CNTNAP2: variants seen among roughly 807,000 people sequenced by gnomAD.
CNTNAP2 encodes the protein contactin-associated protein-like 2.
CNTNAP2 carries 98 observed loss-of-function variants against 155.2 expected under a neutral mutation model. The observed-to-expected ratio is 0.63, with a 90% CI of 0.54 to 0.75. CNTNAP2 has a LOEUF of 0.75. CNTNAP2 is among the 30% of genes least tolerant of loss of function. The pLI is 0.00. For synonymous variants in CNTNAP2, 651 were observed against 631.2 expected (o/e 1.03, Z -0.47); for missense variants, 1,727 against 1,688.1 (o/e 1.02, Z -0.40).
intron 13 of CNTNAP2, among the ~76,000 whole-genome samples, chr7:147,784,206 C>T (rs983109451): frequency 6.6e-6 from 1 of 151,610 alleles, no homozygotes; most frequent in African/African-American, 2.4e-5. Flanking sequence ...TTTGCAATGA[C>T]CTGATTTCCA....
chr7:147,598,134 G>A (rs1286821869), intron 12 of CNTNAP2, among the ~76,000 whole-genome samples: 2 of 151,468 alleles, frequency 1.3e-5, no homozygotes, highest in Admixed American at 6.6e-5. Flanking sequence ...CTCTGAGTTC[G>A]GCATTGCCTG....
intron 13 of CNTNAP2, among the ~76,000 whole-genome samples, chr7:147,845,021 A>C (rs1355863558): frequency 4.0e-4 from 46 of 114,894 alleles, no homozygotes; most frequent in East Asian, 5.0e-4. Context: ...GGATTTTTGC[A>C]TCAATGTTCA....
rs575833573 is a variant in CNTNAP2, at chr7:146,933,637, C to G, written c.402+93733C>G. On this transcript the variant is annotated intron_variant, in intron 3 of 23. Transcript: ENST00000361727. ...TCTGCACAGCAAAAGAAACTACCAT[C>G]AGAGTGAACAGGCAACCTACAAAAT... 6.8e-5 allele frequency among the ~76,000 whole-genome samples: 10 copies of G among 147,816 alleles called. No homozygotes were observed. In the South Asian group the frequency reaches 1.3e-3, roughly 19 times the overall value.
intron 1 of CNTNAP2, among the ~76,000 whole-genome samples, chr7:146,660,840 T>G (rs1216104318): frequency 6.6e-6 from 1 of 152,216 alleles, no homozygotes; most frequent in African/African-American, 2.4e-5. Context: ...ATCATTTCTT[T>G]TATGGACTGA....
At chr7:148,048,160 G>A (rs919282745) in intron 15 of CNTNAP2, among the ~76,000 whole-genome samples, 8 of 151,084 alleles carry the variant, frequency 5.3e-5, no homozygotes, top group African/African-American at 7.3e-5. Context: ...TCCTGACCTC[G>A]TGATCCGCCC....
At chr7:148,156,699 A>G (rs781387060) in intron 17 of CNTNAP2, among the ~76,000 whole-genome samples, 2 of 152,192 alleles carry the variant, frequency 1.3e-5, no homozygotes, top group Admixed American at 6.5e-5. Flanking sequence ...TTAAATGGGC[A>G]TCTTAGAATA....
chr7:147,076,975 AG>A (rs1180562073), intron 4 of CNTNAP2, among the ~76,000 whole-genome samples: 1 of 152,152 alleles, frequency 6.6e-6, no homozygotes, highest in African/African-American at 2.4e-5. Flanking sequence ...ACATTGTATT[AG>A]TTTCCTGAGT....
chr7:146,309,136 G>T (rs934636984), intron 1 of CNTNAP2, among the ~76,000 whole-genome samples: 1 of 152,090 alleles, frequency 6.6e-6, no homozygotes, highest in African/African-American at 2.4e-5. Context: ...ATGACCAAGG[G>T]CATTGTTTTG....
At chr7:146,835,492 C>G (rs1803599658) in intron 2 of CNTNAP2, among the ~76,000 whole-genome samples, 3 of 152,016 alleles carry the variant, frequency 2.0e-5, no homozygotes, top group Admixed American at 6.6e-5. Flanking sequence ...TATTGTTGTC[C>G]CCAAAATTAA....
intron 1 of CNTNAP2, among the ~76,000 whole-genome samples, chr7:146,561,193 G>A (rs1798274515): frequency 6.6e-6 from 1 of 152,022 alleles, no homozygotes; most frequent in Non-Finnish European, 1.5e-5. Context: ...TTGTGTAGAA[G>A]ACAATAGAAG....
chr7:148,411,109 T>C (rs542265546), intron 23 of CNTNAP2, among the ~76,000 whole-genome samples: 60 of 152,294 alleles, frequency 3.9e-4, no homozygotes, highest in Non-Finnish European at 6.0e-4. Context: ...ACATAATAAT[T>C]TGACTCTCCT....
At chr7:146,632,784 A>G (rs1799530978) in intron 1 of CNTNAP2, among the ~76,000 whole-genome samples, 1 of 152,044 alleles carries the variant, frequency 6.6e-6, no homozygotes, top group Non-Finnish European at 1.5e-5. Flanking sequence ...ATTTAAAATT[A>G]TAATCTATGA....
At position 146,712,741 on chromosome 7, in the gene CNTNAP2, C is replaced by T. The variant is rs538624584; in HGVS notation, c.98-61530C>T. Among the ~76,000 whole-genome samples, 15 of 151,792 alleles carry T rather than the reference C, an allele frequency of 9.9e-5. No homozygotes were observed. The South Asian group carries it at 3.1e-3, about 32-fold the overall frequency. On this transcript the variant is annotated intron_variant, in intron 1 of 23. Coordinates refer to ENST00000361727, the MANE Select transcript of CNTNAP2 (RefSeq NM_014141.6). ...CATGGCTGAATTTGGTTATACACAACATGCTTCATTTTCATATCATATCTT... is the reference window on the plus strand; with the variant it reads ...CATGGCTGAATTTGGTTATACACAATATGCTTCATTTTCATATCATATCTT...
intron 1 of CNTNAP2, among the ~76,000 whole-genome samples, chr7:146,718,879 G>A (rs558976298): frequency 4.5e-4 from 69 of 152,094 alleles, no homozygotes; most frequent in Non-Finnish European, 7.5e-4. Context: ...TTCCTAATAT[G>A]CCAAAGTTAA....
chr7:147,372,483 T>C (rs1463343004), intron 9 of CNTNAP2, among the ~76,000 whole-genome samples: 5 of 152,122 alleles, frequency 3.3e-5, no homozygotes, highest in African/African-American at 1.2e-4. Context: ...AACTGTTCAT[T>C]CCTGAACTCT....
intron 8 of CNTNAP2, among the ~76,000 whole-genome samples, chr7:147,208,139 A>G (rs1044856453): frequency 6.6e-6 from 1 of 152,008 alleles, no homozygotes; most frequent in Non-Finnish European, 1.5e-5. Flanking sequence ...TTGAGAAGGT[A>G]TTTTAATAGA....
At chr7:148,042,832 C>T (rs1253752016) in intron 15 of CNTNAP2, among the ~76,000 whole-genome samples, 2 of 152,172 alleles carry the variant, frequency 1.3e-5, no homozygotes, top group African/African-American at 4.8e-5. Flanking sequence ...TTGAAAAATG[C>T]TTAAAACCCC....
chr7:146,426,447 A>G (rs1796092496), intron 1 of CNTNAP2, among the ~76,000 whole-genome samples: 2 of 150,516 alleles, frequency 1.3e-5, no homozygotes, highest in African/African-American at 4.9e-5. Flanking sequence ...ATACACACAT[A>G]TACATAAATG....
chr7:146,876,060 A>G (rs927198237), intron 3 of CNTNAP2, among the ~76,000 whole-genome samples: 1 of 151,346 alleles, frequency 6.6e-6, no homozygotes, highest in Non-Finnish European at 1.5e-5. Flanking sequence ...CCTCTCTTAC[A>G]TTAAACTCCT....
Sources: gnomAD v4.1 joint callset for allele counts (sites outside exome capture counted in the v4.1 genomes callset) on GRCh38, gnomAD v4.1.1 for gene constraint, MANE v1.5 for transcripts, NCBI Gene and HGNC (gene_info 2026-07-23, HGNC 2026-07-21) for gene names.